Variants in CTNND2 observed in about 807,000 individuals in gnomAD.
CTNND2 encodes the protein catenin delta 2.
CTNND2 carries 22 observed loss-of-function variants against 144.4 expected under a neutral mutation model. The observed-to-expected ratio is 0.15, with a 90% CI of 0.11 to 0.22. CTNND2 has a LOEUF of 0.22. CTNND2 is among the 10% of genes least tolerant of loss of function. CTNND2 has a pLI of 1.00. For missense variants in CTNND2, 1,353 were observed against 1,618.8 expected (o/e 0.84, Z 2.82); for synonymous variants, 751 against 695.6 (o/e 1.08, Z -1.25).
At chr5:11,721,167 C>T (rs1786655257) in intron 2 of CTNND2, among the ~76,000 whole-genome samples, 1 of 152,174 alleles carries the variant, frequency 6.6e-6, no homozygotes, top group South Asian at 2.1e-4. Context: ...CATGCCACAA[C>T]ATGAATGAAA....
At chr5:11,334,334 T>C (rs115769347) in intron 9 of CTNND2, among the ~76,000 whole-genome samples, 3 of 152,328 alleles carry the variant, frequency 2.0e-5, no homozygotes, top group African/African-American at 7.2e-5. Context: ...AACTATTCTA[T>C]GGCACGTGAG....
chr5:11,128,751 T>A lies in CTNND2; in HGVS notation c.2160-11184A>T, dbSNP rs1281641724. Among the ~76,000 whole-genome samples, 19 of 41,462 alleles carry A rather than the reference T, an allele frequency of 4.6e-4. 1 individual carries two copies. The East Asian group carries it at 8.5e-3, about 19-fold the overall frequency. 27.2% of individuals were successfully genotyped at this position (41,462 alleles called of 152,430 possible). Reference sequence around the variant, plus strand: ...ATATAATATATATATTTATATATATTATATATAAATATATATATTATATAT... The same window carrying A: ...ATATAATATATATATTTATATATATAATATATAAATATATATATTATATAT... On this transcript the variant is annotated intron_variant, in intron 12 of 21. Transcript: ENST00000304623.
chr5:11,630,433 C>T (rs1482817217), intron 2 of CTNND2, among the ~76,000 whole-genome samples: 1 of 152,138 alleles, frequency 6.6e-6, no homozygotes, highest in Non-Finnish European at 1.5e-5. Flanking sequence ...GTTTCTATTT[C>T]CCCAATTCTT....
intron 1 of CTNND2, among the ~76,000 whole-genome samples, chr5:11,756,739 G>A (rs569416862): frequency 5.5e-5 from 8 of 144,244 alleles, no homozygotes; most frequent in African/African-American, 2.0e-4. Context: ...GTATGTTTTG[G>A]AGACCATTTC....
chr5:11,428,704 C>A (rs1262489379), intron 3 of CTNND2, among the ~76,000 whole-genome samples: 1 of 152,220 alleles, frequency 6.6e-6, no homozygotes, highest in Non-Finnish European at 1.5e-5. Flanking sequence ...TAAGCATGCT[C>A]TGCATTTATT....
chr5:10,989,354 T>C (rs769278122), intron 19 of CTNND2, among the ~76,000 whole-genome samples: 1 of 152,156 alleles, frequency 6.6e-6, no homozygotes, highest in Non-Finnish European at 1.5e-5. Context: ...CAGAGCCTTG[T>C]TTACCCTCAA....
intron 2 of CTNND2, among the ~76,000 whole-genome samples, chr5:11,651,556 T>G (rs1207590830): frequency 1.3e-5 from 2 of 152,202 alleles, no homozygotes; most frequent in Non-Finnish European, 2.9e-5. Context: ...CACTGACAGC[T>G]TGCACTGTAT....
chr5:11,212,293 A>G (rs919195817), intron 10 of CTNND2, among the ~76,000 whole-genome samples: 1 of 152,232 alleles, frequency 6.6e-6, no homozygotes, highest in African/African-American at 2.4e-5. Context: ...AGCCCACAGG[A>G]AAGTCACAAA....
chr5:11,736,563 G>C (rs992314066), intron 1 of CTNND2, among the ~76,000 whole-genome samples: 1 of 152,154 alleles, frequency 6.6e-6, no homozygotes, highest in African/African-American at 2.4e-5. Context: ...ACAGAAGAGA[G>C]AGAGGAAACC....
At chr5:11,525,366 T>G (rs924387129) in intron 3 of CTNND2, among the ~76,000 whole-genome samples, 1 of 152,118 alleles carries the variant, frequency 6.6e-6, no homozygotes, top group African/African-American at 2.4e-5. Context: ...AACTGATACA[T>G]TGTCTTTTTG....
intron 16 of CTNND2, among the ~76,000 whole-genome samples, chr5:11,062,873 C>T (rs1747156531): frequency 6.6e-6 from 1 of 152,214 alleles, no homozygotes; most frequent in Admixed American, 6.5e-5. Flanking sequence ...CAATTTTCTC[C>T]CTGCTGCAAT....
At chr5:11,504,541 A>AT (rs1049003113) in intron 3 of CTNND2, among the ~76,000 whole-genome samples, 1 of 151,782 alleles carries the variant, frequency 6.6e-6, no homozygotes, top group Non-Finnish European at 1.5e-5. Context: ...TTCCCTTCAC[A>AT]CCCTGAGCTG....
chr5:11,599,590 G>T (rs10072307), intron 2 of CTNND2, among the ~76,000 whole-genome samples: 2 of 151,814 alleles, frequency 1.3e-5, no homozygotes, highest in African/African-American at 2.4e-5. Context: ...GGGTTTTTTT[G>T]CTTGTTTGTT....
intron 9 of CTNND2, among the ~76,000 whole-genome samples, chr5:11,292,593 C>T (rs1027387761): frequency 6.6e-6 from 1 of 152,180 alleles, no homozygotes; most frequent in Admixed American, 6.5e-5. Context: ...CCTTCACACA[C>T]TCTCTCTTGC....
intron 7 of CTNND2, among the ~76,000 whole-genome samples, chr5:11,368,724 C>T (rs1236738153): frequency 6.6e-6 from 1 of 152,130 alleles, no homozygotes; most frequent in Non-Finnish European, 1.5e-5. Context: ...TCACTTTTGC[C>T]CACAGAACTT....
chr5:11,117,384 G>C, intron 13 of CTNND2, 66 bp downstream of exon 13: 3 of 1,213,236 alleles, frequency 2.5e-6, no homozygotes, highest in East Asian at 2.3e-5. Flanking sequence ...AGGGTTGTTA[G>C]CTATTGTTGA....
chr5:11,061,248 T>C (rs1382513964), intron 16 of CTNND2, among the ~76,000 whole-genome samples: 12 of 152,184 alleles, frequency 7.9e-5, no homozygotes, highest in Admixed American at 7.9e-4. Context: ...CAGCATGAGC[T>C]CTTTCCCAGA....
intron 2 of CTNND2, among the ~76,000 whole-genome samples, chr5:11,634,441 T>C (rs1263858926): frequency 6.6e-6 from 1 of 152,158 alleles, no homozygotes; most frequent in Non-Finnish European, 1.5e-5. Context: ...GGATCTGGAC[T>C]TTCTCCTCAA....
chr5:11,411,602 C>T lies in CTNND2; in HGVS notation c.373G>A (p.Asp125Asn). 6.2e-7 allele frequency: 1 copy of T among 1,613,064 alleles called. No homozygotes were observed. Among genetic ancestry groups the T allele is most frequent in the Non-Finnish European group, 8.5e-7 (1 of 1,179,312 alleles). The stretch of plus-strand genomic sequence containing the variant: ...TCCTGTAGTGACCTAATACAGGAGT[C>T]CACCAGCTCGAGACCTGTTGTAAGC... ...DELTTGLELV[D>N]SCIRSLQESG... Residue 125 changes from aspartate (D) to asparagine (N), a missense_variant, in exon 5 of 22, where the codon GAC becomes AAC. Physicochemically the swap from Asp to Asn is conservative, Grantham distance 23 (BLOSUM62 1). Around this residue, in one of 4 missense-constraint regions of CTNND2, gnomAD observed 708 missense variants for 706.4 expected, o/e 1.00. Transcript: ENST00000304623.
Sources: allele counts gnomAD v4.1 joint callset (sites outside exome capture counted in the v4.1 genomes callset), GRCh38; gene constraint gnomAD v4.1.1; regional missense constraint gnomAD v4.1.1; transcripts MANE v1.5; gene names NCBI Gene and HGNC (gene_info 2026-07-23, HGNC 2026-07-21).